GJA3: variants seen among roughly 807,000 people sequenced by gnomAD.
GJA3 encodes the protein gap junction alpha-3 protein.
For missense variants in GJA3, 571 were observed against 620.3 expected, an observed-to-expected ratio of 0.92 and a Z score of 0.84; for synonymous variants, 297 against 292.6, an observed-to-expected ratio of 1.02 and a Z score of -0.15.
rs1463101350 is a variant in GJA3 at position 20,140,400 on chromosome 13, T to C, written c.*1581A>G. 6.6e-6 allele frequency: 1 copy of C among 152,162 alleles called. No individual in the cohort carries two copies. Among genetic ancestry groups the C allele is most frequent in the Non-Finnish European group, 1.5e-5 (1 of 68,034 alleles). The allele number at this position is 152,162 out of a possible 1,614,324, so 9.4% of individuals were successfully genotyped here. On this transcript the variant is annotated 3_prime_UTR_variant, in exon 2 of 2. Coordinates refer to ENST00000241125, the MANE Select transcript of GJA3 (RefSeq NM_021954.4). ...ATTGTTAGTGGAGCACCCTTTATGA[T>C]AGAAAACAGAAAGTATGTTTGGAGT...
intron 1 of GJA3, among the ~76,000 whole-genome samples, chr13:20,152,119 G>C (rs1434901752): frequency 6.6e-6 from 1 of 152,102 alleles, no homozygotes; most frequent in Non-Finnish European, 1.5e-5. Flanking sequence ...GTGTGAGTGT[G>C]GAAGCTGGAG....
chr13:20,157,793 G>C (rs1456179665), intron 1 of GJA3, among the ~76,000 whole-genome samples: 1 of 152,030 alleles, frequency 6.6e-6, no homozygotes, highest in Non-Finnish European at 1.5e-5. Context: ...CTCAAGGGGG[G>C]TATTTTTATC....
intron 1 of GJA3, among the ~76,000 whole-genome samples, chr13:20,153,951 C>T (rs12428977): frequency 0.28 from 43,071 of 151,868 alleles, 7,562 homozygotes; most frequent in African/African-American, 0.49. Context: ...TTTTCGTCTC[C>T]GGAAGAAAAT....
Position 20,141,648 on chromosome 13 carries a change from T to G in GJA3, c.*333A>C, listed in dbSNP as rs768532448. 1 of 309,514 alleles carries G rather than the reference T, an allele frequency of 3.2e-6. No homozygotes were observed. Among genetic ancestry groups the G allele is most frequent in the Non-Finnish European group, 5.9e-6 (1 of 169,152 alleles). 19.2% of individuals were successfully genotyped at this position (309,514 alleles called of 1,614,324 possible). A position where few individuals can be genotyped will look rare whatever the true frequency, so the allele number is the denominator to read the frequency against. The stretch of plus-strand genomic sequence containing the variant: ...AGCTAAAGGGACTGCAGGATACCTG[T>G]TGCTTTACCACTACAGAACAGTTAC... On this transcript the variant is annotated 3_prime_UTR_variant, in exon 2 of 2. Transcript: ENST00000241125.
intron 1 of GJA3, among the ~76,000 whole-genome samples, chr13:20,159,288 A>T (rs1363393685): frequency 6.6e-6 from 1 of 151,888 alleles, no homozygotes; most frequent in Non-Finnish European, 1.5e-5. Context: ...GTGGCAAAAA[A>T]CAGATCAAAA....
At chr13:20,152,855 T>C (rs973848255) in intron 1 of GJA3, among the ~76,000 whole-genome samples, 3 of 152,218 alleles carry the variant, frequency 2.0e-5, no homozygotes, top group Non-Finnish European at 4.4e-5. Flanking sequence ...TGTTTAACTA[T>C]TAATGTCTGT....
At position 20,138,606 on chromosome 13, in the gene GJA3, AC is replaced by A. The variant is rs934185638; in HGVS notation, c.*3374del. The A allele has an allele frequency of 7.0e-6, 1 of 142,336 alleles. No individual in the cohort carries two copies. Among genetic ancestry groups the A allele is most frequent in the African/African-American group, 2.5e-5 (1 of 40,590 alleles). 8.8% of individuals were successfully genotyped at this position (142,336 alleles called of 1,614,324 possible). On this transcript the variant is annotated 3_prime_UTR_variant, in exon 2 of 2. Coordinates refer to ENST00000241125, the MANE Select transcript of GJA3 (RefSeq NM_021954.4). ...AAGTGCCTTCCCTGACCTTAAATGT[AC>A]AATGTCCATATGCTATATTAAAGGT...
chr13:20,146,787 G>C (rs192834673), intron 1 of GJA3, among the ~76,000 whole-genome samples: 119 of 152,330 alleles, frequency 7.8e-4, no homozygotes, highest in South Asian at 6.8e-3. Context: ...TCAGAGACTT[G>C]GGTAAATGTG....
In GJA3 at chr13:20,141,115, T is replaced by G. The variant is rs1019340240; in HGVS notation, c.*866A>C. The G allele has an allele frequency of 1.3e-5, 2 of 152,196 alleles. No homozygotes were observed. Among genetic ancestry groups the G allele is most frequent in the Non-Finnish European group, 2.9e-5 (2 of 68,036 alleles). The allele number at this position is 152,196 out of a possible 1,614,324, so 9.4% of individuals were successfully genotyped here. On this transcript the variant is annotated 3_prime_UTR_variant, in exon 2 of 2. Coordinates refer to ENST00000241125, the MANE Select transcript of GJA3 (RefSeq NM_021954.4). ...TCTTGGTCAGCAATCATTCTAACAGTATTTAAAGAAAGAAAAACACTATTT... is the reference window on the plus strand; with the variant it reads ...TCTTGGTCAGCAATCATTCTAACAGGATTTAAAGAAAGAAAAACACTATTT...
Position 20,142,916 on chromosome 13 carries a change from G to T in GJA3, c.373C>A (p.Pro125Thr). The stretch of plus-strand genomic sequence containing the variant: ...CGCGACGAGGGATTGTCCTGCGGTG[G>T]CTCCTTGGGGCTGGGGCTCTCTCTC... ...LKRESPSPKE[P>T]PQDNPSSRDD... is the part of the protein sequence containing the mutation. Residue 125 changes from proline (P) to threonine (T), a missense_variant, in exon 2 of 2, where the codon CCA (proline) becomes ACA (threonine). Pro to Thr is a conservative substitution (Grantham distance 38, BLOSUM62 -1). Transcript: ENST00000241125. 6.3e-7 allele frequency: 1 copy of T among 1,581,690 alleles called. No homozygotes were observed. Among genetic ancestry groups the T allele is most frequent in the Non-Finnish European group, 8.6e-7 (1 of 1,163,734 alleles).
At chr13:20,151,911 A>T (rs566320745) in intron 1 of GJA3, among the ~76,000 whole-genome samples, 32 of 152,056 alleles carry the variant, frequency 2.1e-4, no homozygotes, top group Non-Finnish European at 4.3e-4. Flanking sequence ...CAGAGAAATG[A>T]TGTGAGCAGT....
intron 1 of GJA3, among the ~76,000 whole-genome samples, chr13:20,146,986 C>T (rs1424329622): frequency 6.6e-6 from 1 of 152,238 alleles, no homozygotes; most frequent in Non-Finnish European, 1.5e-5. Flanking sequence ...GAAATGTTTG[C>T]TTCTTCATCC....
In GJA3 at chr13:20,147,881, A is replaced by G. The variant is rs114323416; in HGVS notation, c.-17-4576T>C. ...GTCAGAGGATAATGACTGTGGGATC[A>G]CCGAGAGTTTAGAGTGGATTCCATC... On this transcript the variant is annotated intron_variant, in intron 1 of 1. Transcript: ENST00000241125. Among the ~76,000 whole-genome samples, 454 of 152,198 alleles carry G rather than the reference A, an allele frequency of 3.0e-3. 1 individual carries two copies. The highest frequency in any genetic ancestry group is 0.011 in the African/African-American group (438 of 41,514).
chr13:20,147,513 A>C (rs886725260), intron 1 of GJA3, among the ~76,000 whole-genome samples: 7 of 152,220 alleles, frequency 4.6e-5, no homozygotes, highest in African/African-American at 1.7e-4. Context: ...AATGACAAGA[A>C]CTTAGGACAA....
In GJA3 at chr13:20,161,052, C is replaced by G. The variant is rs1189155327; in HGVS notation, c.-180G>C. 6.5e-6 allele frequency: 1 copy of G among 152,942 alleles called. No homozygotes were observed. Among genetic ancestry groups the G allele is most frequent in the Non-Finnish European group, 1.5e-5 (1 of 68,448 alleles). The allele number at this position is 152,942 out of a possible 1,614,324, so 9.5% of individuals were successfully genotyped here. Reference sequence around the variant, plus strand: ...TCGCCATCCCTGCAGCCCCAGTGTGCGCTGCGCCCGACGCCCCCAAGCTGC... The same window carrying G: ...TCGCCATCCCTGCAGCCCCAGTGTGGGCTGCGCCCGACGCCCCCAAGCTGC... On this transcript the variant is annotated 5_prime_UTR_variant, in exon 1 of 2. Transcript: ENST00000241125.
chr13:20,159,152 T>G (rs1347744211), intron 1 of GJA3, among the ~76,000 whole-genome samples: 3 of 149,784 alleles, frequency 2.0e-5, no homozygotes, highest in Non-Finnish European at 4.4e-5. Context: ...AGTAAACATT[T>G]ATTATTATTA....
At position 20,139,424 on chromosome 13, in the gene GJA3, C is replaced by G. The variant is rs935602464; in HGVS notation, c.*2557G>C. The G allele has an allele frequency of 1.3e-5, 2 of 152,020 alleles. No homozygotes were observed. The highest frequency in any genetic ancestry group is 4.8e-5 in the African/African-American group (2 of 41,402). 9.4% of individuals were successfully genotyped at this position (152,020 alleles called of 1,614,324 possible). On this transcript the variant is annotated 3_prime_UTR_variant, in exon 2 of 2. Coordinates refer to ENST00000241125, the MANE Select transcript of GJA3 (RefSeq NM_021954.4). ...TCTTGCCCACAGAGAGAGGCAATTT[C>G]TATTTTTATTGCATGTTTCAATGTC...
At chr13:20,147,214 A>G (rs1958848199) in intron 1 of GJA3, among the ~76,000 whole-genome samples, 2 of 152,222 alleles carry the variant, frequency 1.3e-5, no homozygotes, top group Admixed American at 1.3e-4. Context: ...GGATTGGTTA[A>G]GAGAGTCGTA....
chr13:20,145,806 G>C (rs941321042), intron 1 of GJA3, among the ~76,000 whole-genome samples: 2 of 152,126 alleles, frequency 1.3e-5, no homozygotes, highest in African/African-American at 4.8e-5. Context: ...GGTGCCCTGG[G>C]TTCTCTCTCC....
Sources: gnomAD v4.1 joint callset for allele counts (sites outside exome capture counted in the v4.1 genomes callset) on GRCh38, gnomAD v4.1.1 for gene constraint, MANE v1.5 for transcripts, NCBI Gene and HGNC (gene_info 2026-07-23, HGNC 2026-07-21) for gene names.